Variants in HYDIN observed in about 807,000 individuals in gnomAD.
HYDIN encodes axonemal central pair apparatus protein HYDIN.
Under a neutral mutation model 403.9 loss-of-function variants are expected in HYDIN, and 132 were observed. The ratio of observed to expected loss-of-function variants is 0.33; its 90% CI spans 0.28 to 0.38. The LOEUF (loss-of-function observed/expected upper bound fraction) is 0.38, where lower values mean the gene tolerates loss of function less well. Among genes scored for constraint, HYDIN ranks in the 10% least tolerant of loss-of-function variants. The probability of loss-of-function intolerance (pLI) is 1.00; values close to 1 mark genes in which losing one functional copy is unlikely to be tolerated. For missense variants in HYDIN, 2,827 were observed against 5,009.5 expected, an observed-to-expected ratio of 0.56 and a Z score of 13.15; for synonymous variants, 1,202 against 1,891.7, an observed-to-expected ratio of 0.64 and a Z score of 9.46.
intron 53 of HYDIN, among the ~76,000 whole-genome samples, chr16:70,896,434 C>A (rs1318091406): frequency 2.6e-5 from 4 of 152,134 alleles, no homozygotes; most frequent in Admixed American, 1.3e-4. Flanking sequence ...CTCACTGCAG[C>A]CTCAACCTCC....
chr16:71,118,067 T>C (rs2084111825), intron 9 of HYDIN, among the ~76,000 whole-genome samples: 3 of 152,130 alleles, frequency 2.0e-5, no homozygotes, highest in Admixed American at 2.0e-4. Context: ...CAAGTACTTC[T>C]TCCTCTGTGA....
At position 71,175,755 on chromosome 16, in the gene HYDIN, C is replaced by G. The variant is rs756514836; in HGVS notation, c.382-14G>C. ...CAACCTTGGAATCTGCAGGGAAACACATGATGATGAACATCGTGCATGTGA... is the reference window on the plus strand; with the variant it reads ...CAACCTTGGAATCTGCAGGGAAACAGATGATGATGAACATCGTGCATGTGA... On this transcript the variant is annotated splice_polypyrimidine_tract_variant and intron_variant, in intron 4 of 85. Coordinates refer to ENST00000393567, the MANE Select transcript of HYDIN (RefSeq NM_001270974.2). 1 of 1,613,810 alleles carries G rather than the reference C, an allele frequency of 6.2e-7. No homozygotes were observed. The highest frequency in any genetic ancestry group is 8.5e-7 in the Non-Finnish European group (1 of 1,179,750).
At chr16:70,991,120 G>C (rs2079337053) in intron 25 of HYDIN, among the ~76,000 whole-genome samples, 198 bp downstream of exon 25, 1 of 152,208 alleles carries the variant, frequency 6.6e-6, no homozygotes, top group Non-Finnish European at 1.5e-5. Flanking sequence ...TATCTAGGGT[G>C]TAGGAACATC....
At chr16:70,908,103 A>G (rs1672165481) in intron 49 of HYDIN, 149 bp downstream of exon 49, 2 of 634,148 alleles carry the variant, frequency 3.2e-6, no homozygotes, top group African/African-American at 1.8e-5. Flanking sequence ...CTCTTGGTCA[A>G]TATTCAAGAC....
chr16:71,173,905 C>T (rs1019888252), intron 5 of HYDIN, among the ~76,000 whole-genome samples: 6 of 152,128 alleles, frequency 3.9e-5, no homozygotes, highest in African/African-American at 4.8e-5. Context: ...AGGAAAGCCA[C>T]CTCCTCAAAT....
chr16:70,932,736 T>A (rs1328679759), intron 45 of HYDIN, among the ~76,000 whole-genome samples: 4 of 152,386 alleles, frequency 2.6e-5, no homozygotes, highest in Non-Finnish European at 4.4e-5. Context: ...TGTTTTTTTT[T>A]AAAGGTTCAC....
At chr16:70,991,770 A>T (rs2079360507) in intron 24 of HYDIN, among the ~76,000 whole-genome samples, 2 of 151,772 alleles carry the variant, frequency 1.3e-5, no homozygotes, top group Non-Finnish European at 2.9e-5. Flanking sequence ...TTGTGAGGAC[A>T]TAATGTTTGG....
intron 23 of HYDIN, among the ~76,000 whole-genome samples, chr16:71,016,288 C>T (rs1597552012): frequency 2.0e-5 from 3 of 151,142 alleles, no homozygotes; most frequent in Admixed American, 6.6e-5. Context: ...ACCACTAATA[C>T]CTAATTTAAA....
rs183447273 is a variant in HYDIN at position 71,228,674 on chromosome 16, G to T, written c.-24+1888C>A. On this transcript the variant is annotated intron_variant, in intron 1 of 85. Coordinates refer to ENST00000393567, the MANE Select transcript of HYDIN (RefSeq NM_001270974.2). ...GAAAACAACAGGTGCTGGAGAGGAC[G>T]TGGAGAAATAGGAACACTTTTACAC... Among the ~76,000 whole-genome samples the T allele has an allele frequency of 2.5e-3, 375 of 152,312 alleles. 2 individuals are homozygous for T. Among genetic ancestry groups the T allele is most frequent in the African/African-American group, 8.9e-3 (372 of 41,578 alleles).
At chr16:70,855,945 G>C (rs1305787847) in intron 72 of HYDIN, among the ~76,000 whole-genome samples, 2 of 152,126 alleles carry the variant, frequency 1.3e-5, no homozygotes, top group Non-Finnish European at 2.9e-5. Flanking sequence ...TATGCATCCT[G>C]TATTTTATCT....
chr16:70,875,457 T>C (rs1306178293), intron 62 of HYDIN, among the ~76,000 whole-genome samples: 3 of 151,848 alleles, frequency 2.0e-5, no homozygotes, highest in African/African-American at 7.3e-5. Flanking sequence ...ATAAGGAAGA[T>C]AAGACTAAAG....
intron 23 of HYDIN, among the ~76,000 whole-genome samples, chr16:70,999,799 A>G (rs920364708): frequency 6.6e-6 from 1 of 151,836 alleles, no homozygotes; most frequent in Non-Finnish European, 1.5e-5. Context: ...GCAAGACACC[A>G]TTGACCTTGC....
chr16:70,902,036 C>G (rs2502697), intron 52 of HYDIN, among the ~76,000 whole-genome samples: 68,960 of 150,246 alleles, frequency 0.46, 18,560 homozygotes, highest in Non-Finnish European at 0.61. Context: ...CAGACCCACC[C>G]AGTTCAAACC....
intron 58 of HYDIN, among the ~76,000 whole-genome samples, chr16:70,888,624 G>A (rs574541634): frequency 3.3e-5 from 5 of 151,358 alleles, no homozygotes; most frequent in South Asian, 2.1e-4. Context: ...TGGGGTGGAC[G>A]TCATGGTTCC....
At chr16:70,915,255 T>C (rs1258247404) in intron 47 of HYDIN, among the ~76,000 whole-genome samples, 2 of 152,182 alleles carry the variant, frequency 1.3e-5, no homozygotes, top group African/African-American at 4.8e-5. Flanking sequence ...TGGTTCCTTC[T>C]TATTTGGGTA....
At chr16:70,966,858 A>G (rs1430959129) in intron 36 of HYDIN, among the ~76,000 whole-genome samples, 1 of 151,568 alleles carries the variant, frequency 6.6e-6, no homozygotes, top group Admixed American at 6.6e-5. Context: ...GGTGTTGGGC[A>G]TTCAATATGT....
intron 59 of HYDIN, 122 bp from the exon 60 acceptor site, chr16:70,883,017 A>C (rs915709846): frequency 2.7e-6 from 2 of 752,838 alleles, no homozygotes; most frequent in African/African-American, 3.4e-5. Flanking sequence ...AGGCGAAGTC[A>C]TGCAAGGGGG....
At chr16:70,984,553 G>A (rs2079132985) in intron 28 of HYDIN, among the ~76,000 whole-genome samples, 1 of 150,940 alleles carries the variant, frequency 6.6e-6, no homozygotes, top group South Asian at 2.1e-4. Context: ...GAAGAATAAA[G>A]AGACCAGCAG....
intron 75 of HYDIN, among the ~76,000 whole-genome samples, chr16:70,841,421 A>G (rs2037811886): frequency 6.6e-6 from 1 of 152,078 alleles, no homozygotes; most frequent in Admixed American, 6.6e-5. Flanking sequence ...TTTCTCAGAG[A>G]AGATGGCTGC....
Sources: allele counts gnomAD v4.1 joint callset (sites outside exome capture counted in the v4.1 genomes callset), GRCh38; gene constraint gnomAD v4.1.1; transcripts MANE v1.5; gene names NCBI Gene and HGNC (gene_info 2026-07-23, HGNC 2026-07-21).